The following FBN2 variants were observed in gnomAD, a reference collection of about 807,000 sequenced individuals.
The protein encoded by FBN2 is fibrillin-2.
FBN2 carries 105 observed loss-of-function variants against 355.6 expected under a neutral mutation model. That is an observed-to-expected ratio of 0.30 (90% CI 0.25 to 0.35). The LOEUF (loss-of-function observed/expected upper bound fraction) is 0.35. Ranked by LOEUF, FBN2 falls within the 10% of genes least tolerant of loss-of-function variation. The pLI is 1.00. For missense variants in FBN2, 3,280 were observed against 3,758.7 expected (o/e 0.87, Z 3.33); for synonymous variants, 1,350 against 1,301.2 (o/e 1.04, Z -0.81).
intron 7 of FBN2, among the ~76,000 whole-genome samples, chr5:128,416,059 T>C (rs1561446206): frequency 2.0e-5 from 3 of 151,324 alleles, no homozygotes; most frequent in African/African-American, 4.9e-5. Flanking sequence ...AGAGTTTTGC[T>C]CTTGCTGCCC....
chr5:128,415,571 G>GTA (rs1463638548), intron 7 of FBN2, among the ~76,000 whole-genome samples: 1 of 152,068 alleles, frequency 6.6e-6, no homozygotes, highest in African/African-American at 2.4e-5. Context: ...ATTTCATTGT[G>GTA]TATATATATC....
At chr5:128,306,694 A>C (rs1466544358) in intron 42 of FBN2, among the ~76,000 whole-genome samples, 1 of 152,220 alleles carries the variant, frequency 6.6e-6, no homozygotes, top group Non-Finnish European at 1.5e-5. Flanking sequence ...ATGTACATTT[A>C]GAAGGAATTA....
At chr5:128,347,816 T>A (rs1265925360) in intron 23 of FBN2, among the ~76,000 whole-genome samples, 1 of 152,180 alleles carries the variant, frequency 6.6e-6, no homozygotes, top group African/African-American at 2.4e-5. Flanking sequence ...CCTCACTCTG[T>A]TGCCAAGGCT....
At position 128,301,452 on chromosome 5, in the gene FBN2, A is replaced by G. The variant is rs1749717202; in HGVS notation, c.5976T>C (p.Asn1992=). 6.2e-7 allele frequency: 1 copy of G among 1,613,674 alleles called. No individual in the cohort carries two copies. Among genetic ancestry groups the G allele is most frequent in the Non-Finnish European group, 8.5e-7 (1 of 1,179,722 alleles). The change falls in exon 47 of 65, where the codon AAT becomes AAC. Residue 1992 remains asparagine, a synonymous_variant. Coordinates refer to ENST00000262464, the MANE Select transcript of FBN2 (RefSeq NM_001999.4). Reference sequence around the variant, plus strand: ...ATAGACACTTGAAAGAACCAATTTCATTAAAACAACGTCCATTTCTGCACA... The same window carrying G: ...ATAGACACTTGAAAGAACCAATTTCGTTAAAACAACGTCCATTTCTGCACA... ...GQVCRNGRCF[N]EIGSFKCLCN...
intron 7 of FBN2, among the ~76,000 whole-genome samples, chr5:128,438,610 T>A (rs960562513): frequency 6.6e-6 from 1 of 152,226 alleles, no homozygotes; most frequent in African/African-American, 2.4e-5. Flanking sequence ...GCACATAATG[T>A]GCCATAGATG....
At chr5:128,266,445 A>C (rs1252537579) in intron 62 of FBN2, among the ~76,000 whole-genome samples, 2 of 152,140 alleles carry the variant, frequency 1.3e-5, no homozygotes, top group East Asian at 1.9e-4. Flanking sequence ...CTCCATTGCG[A>C]GCTCCTTTGG....
chr5:128,422,969 T>C (rs575916335), intron 7 of FBN2, among the ~76,000 whole-genome samples: 133 of 152,286 alleles, frequency 8.7e-4, no homozygotes, highest in African/African-American at 3.0e-3. Context: ...ACAAATAGTA[T>C]TGAAAAACAG....
At chr5:128,342,832 G>A (rs755848559) in intron 25 of FBN2, among the ~76,000 whole-genome samples, 1 of 151,816 alleles carries the variant, frequency 6.6e-6, no homozygotes, top group East Asian at 1.9e-4. Flanking sequence ...GGGTTTAAGC[G>A]ATCCTCCTGC....
intron 5 of FBN2, among the ~76,000 whole-genome samples, chr5:128,488,498 T>A (rs562833429): frequency 1.9e-4 from 29 of 152,264 alleles, no homozygotes; most frequent in East Asian, 7.7e-4. Flanking sequence ...TTCTTTTTTT[T>A]AATTTTTTTA....
At chr5:128,512,237 CG>C (rs1283951496) in intron 5 of FBN2, among the ~76,000 whole-genome samples, 10 of 152,100 alleles carry the variant, frequency 6.6e-5, no homozygotes, top group Admixed American at 5.2e-4. Flanking sequence ...TCAGGCCAGG[CG>C]CAGTGGCTTA....
intron 41 of FBN2, among the ~76,000 whole-genome samples, chr5:128,308,599 G>A (rs1276017171): frequency 6.6e-6 from 1 of 152,124 alleles, no homozygotes; most frequent in Non-Finnish European, 1.5e-5. Flanking sequence ...AAGAGAGCCT[G>A]ATGGACAGCA....
intron 11 of FBN2, among the ~76,000 whole-genome samples, chr5:128,387,154 C>T (rs1752387209): frequency 6.6e-6 from 1 of 152,120 alleles, no homozygotes; most frequent in Non-Finnish European, 1.5e-5. Flanking sequence ...TCAATTTCTT[C>T]CTGGCTCAAT....
At position 128,301,712 on chromosome 5, in the gene FBN2, C is replaced by T. The variant is rs28763936; in HGVS notation, c.5918-202G>A. On this transcript the variant is annotated intron_variant, in intron 46 of 64. Transcript: ENST00000262464. ...CCATAGAGTCCTACTATTTTTCAACCATAAAGATACATTTTTTTCATTTTT... is the reference window on the plus strand; with the variant it reads ...CCATAGAGTCCTACTATTTTTCAACTATAAAGATACATTTTTTTCATTTTT... Among the ~76,000 whole-genome samples, 7,156 of 152,118 alleles carry T rather than the reference C, an allele frequency of 0.047. 582 individuals are homozygous for T. The highest frequency in any genetic ancestry group is 0.16 in the African/African-American group (6,753 of 41,460).
rs564101335 is a variant in FBN2 at position 128,333,557 on chromosome 5, T to TA, written c.4100-524dup. 4.0e-5 allele frequency among the ~76,000 whole-genome samples: 6 copies of TA among 151,886 alleles called. No homozygotes were observed. The East Asian group carries it at 7.7e-4, about 20-fold the overall frequency. On this transcript the variant is annotated intron_variant, in intron 31 of 64. Coordinates refer to ENST00000262464, the MANE Select transcript of FBN2 (RefSeq NM_001999.4). Reference sequence around the variant, plus strand: ...ATCAATATAAATATTTTACAGAATTTAAAAAAAACTATTCATTTAGGTGTA... The same window carrying TA: ...ATCAATATAAATATTTTACAGAATTTAAAAAAAAACTATTCATTTAGGTGTA...
At chr5:128,408,293 G>GT (rs1752983131) in intron 8 of FBN2, among the ~76,000 whole-genome samples, 1 of 152,100 alleles carries the variant, frequency 6.6e-6, no homozygotes, top group Non-Finnish European at 1.5e-5. Context: ...TTTTTGTATA[G>GT]TAACTATTTT....
intron 23 of FBN2, 144 bp downstream of exon 23, chr5:128,349,203 G>T (rs2126919487): frequency 1.1e-6 from 1 of 920,806 alleles, no homozygotes; most frequent in Non-Finnish European, 1.7e-6. Context: ...TTTTAAAACA[G>T]CCTCTAGTGA....
At chr5:128,333,861 ACACACACACACAC>A (rs1175747539) in intron 31 of FBN2, among the ~76,000 whole-genome samples, 1 of 120,784 alleles carries the variant, frequency 8.3e-6, no homozygotes, top group Non-Finnish European at 1.7e-5. Flanking sequence ...ACACACACAC[ACACACACACACAC>A]ACTACTGGCT....
rs1057521647 is a variant in FBN2 at position 128,537,636 on chromosome 5, G to T, written c.-33C>A. 1.3e-6 allele frequency: 2 copies of T among 1,595,918 alleles called. No individual in the cohort carries two copies. The highest frequency in any genetic ancestry group is 1.7e-6 in the Non-Finnish European group (2 of 1,171,118). ...GCCGAAAGCGCGCGGCCGTAGACCCGCGGAGAGGGAGTGATCAAAGACAAA... is the reference window on the plus strand; with the variant it reads ...GCCGAAAGCGCGCGGCCGTAGACCCTCGGAGAGGGAGTGATCAAAGACAAA... On this transcript the variant is annotated 5_prime_UTR_variant, in exon 1 of 65. Coordinates refer to ENST00000262464, the MANE Select transcript of FBN2 (RefSeq NM_001999.4).
intron 27 of FBN2, 118 bp from the exon 28 acceptor site, chr5:128,336,231 A>C: frequency 2.0e-6 from 2 of 989,838 alleles, no homozygotes; most frequent in Non-Finnish European, 3.2e-6. Context: ...CGAGGAAGTA[A>C]AATGTTCTCC....
Sources: allele counts gnomAD v4.1 joint callset (sites outside exome capture counted in the v4.1 genomes callset), GRCh38; gene constraint gnomAD v4.1.1; transcripts MANE v1.5; gene names NCBI Gene and HGNC (gene_info 2026-07-23, HGNC 2026-07-21).